Variants in DAB2IP observed in about 807,000 individuals in gnomAD.
DAB2IP encodes disabled homolog 2-interacting protein.
DAB2IP carries 28 observed loss-of-function variants against 107.2 expected under a neutral mutation model. The ratio of observed to expected loss-of-function variants is 0.26; its 90% CI spans 0.19 to 0.36. The LOEUF is 0.36. Among genes scored for constraint, DAB2IP ranks in the 10% least tolerant of loss-of-function variants. The pLI is 1.00. For missense variants in DAB2IP, 1,400 were observed against 1,644.7 expected, an observed-to-expected ratio of 0.85 and a Z score of 2.57; for synonymous variants, 755 against 706.4, an observed-to-expected ratio of 1.07 and a Z score of -1.09.
At chr9:121,664,263 T>TACTAC (rs891742883) in intron 1 of DAB2IP, among the ~76,000 whole-genome samples, 17 of 152,256 alleles carry the variant, frequency 1.1e-4, no homozygotes, top group African/African-American at 3.9e-4. Context: ...CTTATGCTAA[T>TACTAC]ACTACACTGT....
chr9:121,613,528 T>TTGA (rs901329442), intron 1 of DAB2IP, among the ~76,000 whole-genome samples: 5 of 152,216 alleles, frequency 3.3e-5, no homozygotes, highest in South Asian at 2.1e-4. Flanking sequence ...ATTGAGATAT[T>TTGA]TGATGATGAT....
intron 1 of DAB2IP, among the ~76,000 whole-genome samples, chr9:121,621,307 C>G (rs760096163): frequency 6.6e-6 from 1 of 152,188 alleles, no homozygotes; most frequent in Non-Finnish European, 1.5e-5. Flanking sequence ...TTGAGGGACT[C>G]CCTATTTTCC....
intron 14 of DAB2IP, among the ~76,000 whole-genome samples, chr9:121,777,424 G>C (rs904186023): frequency 2.0e-5 from 3 of 152,236 alleles, no homozygotes; most frequent in African/African-American, 4.8e-5. Context: ...GAAACCTGCT[G>C]TTCACTTGTT....
chr9:121,593,277 G>T (rs1830453227), intron 1 of DAB2IP, among the ~76,000 whole-genome samples: 1 of 152,028 alleles, frequency 6.6e-6, no homozygotes, highest in East Asian at 1.9e-4. Context: ...TGTTGTTGTT[G>T]TATTTCTTGA....
intron 1 of DAB2IP, among the ~76,000 whole-genome samples, chr9:121,611,921 A>G (rs141084170): frequency 8.0e-4 from 122 of 152,340 alleles, no homozygotes; most frequent in Non-Finnish European, 9.7e-4. Flanking sequence ...AGAACACAGT[A>G]CAGTGTCTGC....
intron 1 of DAB2IP, chr9:121,574,869 C>G (rs925008803): frequency 2.0e-5 from 3 of 152,202 alleles, no homozygotes; most frequent in Admixed American, 1.3e-4. Flanking sequence ...ACGCCCCCTC[C>G]CCTTGCCCTG....
intron 1 of DAB2IP, among the ~76,000 whole-genome samples, chr9:121,579,814 A>G (rs1830149884): frequency 6.6e-6 from 1 of 152,234 alleles, no homozygotes; most frequent in Admixed American, 6.5e-5. Flanking sequence ...ATGCAAATCA[A>G]AGTACTTTGC....
chr9:121,761,075 C>T (rs576166930), intron 6 of DAB2IP, among the ~76,000 whole-genome samples: 3 of 152,146 alleles, frequency 2.0e-5, no homozygotes, highest in African/African-American at 7.2e-5. Context: ...ATCTCCATGA[C>T]CCCTTTCACC....
chr9:121,657,445 C>G (rs1833013387), intron 1 of DAB2IP, among the ~76,000 whole-genome samples: 1 of 152,210 alleles, frequency 6.6e-6, no homozygotes, highest in Non-Finnish European at 1.5e-5. Context: ...GTGTGCCCGG[C>G]CCCATGCCAA....
intron 3 of DAB2IP, among the ~76,000 whole-genome samples, chr9:121,753,336 A>C (rs1455285999): frequency 7.9e-5 from 12 of 152,216 alleles, no homozygotes. Flanking sequence ...CTAGTCTCCA[A>C]GGACCACAAG....
rs1835212387 is a variant in DAB2IP, at chr9:121,776,531, T to G, written c.3314+140T>G. ...AGGAGGGAAGAGAGTGTCTGGGCAGTGGGAGCAGCGTGAGCACAGGCCTGG... is the reference window on the plus strand; with the variant it reads ...AGGAGGGAAGAGAGTGTCTGGGCAGGGGGAGCAGCGTGAGCACAGGCCTGG... On this transcript the variant is annotated intron_variant, in intron 14 of 15. Transcript: ENST00000408936. The surrounding 1 kb of genome is among the most constrained non-coding windows in gnomAD (Gnocchi z 5.4). 9.5e-7 allele frequency: 1 copy of G among 1,052,008 alleles called. No individual in the cohort carries two copies. Among genetic ancestry groups the G allele is most frequent in the South Asian group, 1.7e-5 (1 of 59,042 alleles). 65.2% of individuals were successfully genotyped at this position (1,052,008 alleles called of 1,614,324 possible).
At chr9:121,751,909 C>A in intron 3 of DAB2IP, 1 of 985,354 alleles carries the variant, frequency 1.0e-6, no homozygotes, top group Non-Finnish European at 1.2e-6. Context: ...CCTTGGCTGT[C>A]CCGTGTGTGA....
At chr9:121,735,215 T>C (rs560746364) in intron 3 of DAB2IP, among the ~76,000 whole-genome samples, 1 of 152,248 alleles carries the variant, frequency 6.6e-6, no homozygotes, top group East Asian at 1.9e-4. Flanking sequence ...GCTTTGGTGG[T>C]GTGGACTGAT....
At chr9:121,600,748 C>T (rs1007312681) in intron 1 of DAB2IP, among the ~76,000 whole-genome samples, 9 of 152,200 alleles carry the variant, frequency 5.9e-5, no homozygotes, top group Non-Finnish European at 1.3e-4. Context: ...TGGGTTCCAA[C>T]ATCAGCCCCT....
chr9:121,764,020 C>T (rs1006378582), intron 8 of DAB2IP, 141 bp downstream of exon 8: 1 of 1,203,160 alleles, frequency 8.3e-7, no homozygotes, highest in South Asian at 1.6e-5. Flanking sequence ...CCCTTTTGAG[C>T]TCTCAGGTGG....
intron 1 of DAB2IP, among the ~76,000 whole-genome samples, chr9:121,592,043 T>C (rs1048258671): frequency 6.6e-6 from 1 of 152,144 alleles, no homozygotes; most frequent in Non-Finnish European, 1.5e-5. Context: ...AAGGAGGTCA[T>C]TGGTGACCTT....
chr9:121,743,451 T>C (rs1015612995), intron 3 of DAB2IP, among the ~76,000 whole-genome samples: 1 of 152,104 alleles, frequency 6.6e-6, no homozygotes, highest in South Asian at 2.1e-4. Flanking sequence ...TTCTTTCCTG[T>C]TTCCTGTATA....
At chr9:121,763,943 C>A in intron 8 of DAB2IP, 64 bp downstream of exon 8, 2 of 1,587,408 alleles carry the variant, frequency 1.3e-6, no homozygotes. Context: ...CAGTGTCTGG[C>A]ACCCGCAGTG....
At position 121,599,362 on chromosome 9, in the gene DAB2IP, C is replaced by G. The variant is rs542232784; in HGVS notation, c.40+32134C>G. Among the ~76,000 whole-genome samples, 1 of 152,256 alleles carries G rather than the reference C, an allele frequency of 6.6e-6. No homozygotes were observed. Among genetic ancestry groups the G allele is most frequent in the East Asian group, 1.9e-4 (1 of 5,154 alleles). ...TCGGAGCGGAGGGCCTCGGCTCTGCCCAGTCCGGCCTGGGCGGGGCGGTGG... is the reference window on the plus strand; with the variant it reads ...TCGGAGCGGAGGGCCTCGGCTCTGCGCAGTCCGGCCTGGGCGGGGCGGTGG... On this transcript the variant is annotated intron_variant, in intron 1 of 16. Coordinates refer to the DAB2IP transcript ENST00000259371. The surrounding 1 kb of genome is among the most constrained non-coding windows in gnomAD (Gnocchi z 6.9).
Sources: gnomAD v4.1 joint callset for allele counts (sites outside exome capture counted in the v4.1 genomes callset) on GRCh38, gnomAD v4.1.1 for gene constraint, Gnocchi (gnomAD v3.1) non-coding constraint, MANE v1.5 for transcripts, NCBI Gene and HGNC (gene_info 2026-07-23, HGNC 2026-07-21) for gene names.